ENOSF1: variants seen among roughly 807,000 people sequenced by gnomAD.
The protein encoded by ENOSF1 is mitochondrial enolase superfamily member 1.
ENOSF1 carries 73 observed loss-of-function variants against 68.2 expected under a neutral mutation model. The ratio of observed to expected loss-of-function variants is 1.07; its 90% confidence interval spans 0.89 to 1.30. The LOEUF is 1.30. Ranked by LOEUF, ENOSF1 falls within the 50% of genes most tolerant of loss-of-function variation. The pLI, the probability that ENOSF1 is intolerant of heterozygous loss-of-function variation, is 0.00. For synonymous variants in ENOSF1, 223 were observed against 210.4 expected (o/e 1.06, Z -0.52); for missense variants, 589 against 554.5 (o/e 1.06, Z -0.62).
chr18:703,271 C>T (rs1042512990), intron 2 of ENOSF1, among the ~76,000 whole-genome samples: 1 of 152,112 alleles, frequency 6.6e-6, no homozygotes, highest in Non-Finnish European at 1.5e-5. Flanking sequence ...CTGAGCTCAG[C>T]ACCCATCCCA....
rs971998782 is a variant in ENOSF1, at chr18:671,125, G to C, written c.*3180C>G. 1.1e-5 allele frequency: 7 copies of C among 614,916 alleles called. No individual in the cohort carries two copies. The African/African-American group carries it at 1.3e-4, about 11-fold the overall frequency. 38.1% of individuals were successfully genotyped at this position (614,916 alleles called of 1,614,324 possible). On this transcript the variant is annotated 3_prime_UTR_variant, in exon 16 of 16. Transcript: ENST00000647584. ...TGGATTTTCTCAAAAGCTATGCTGA[G>C]GTTGGGTATGGTGGCTCATGCCTGT...
Position 694,269 on chromosome 18 carries a change from C to G in ENOSF1, c.375G>C (p.Leu125Phe), listed in dbSNP as rs773643011. The G allele has an allele frequency of 3.1e-6, 5 of 1,614,108 alleles. No homozygotes were observed. The highest frequency in any genetic ancestry group is 2.7e-5 in the African/African-American group (2 of 74,936). Residue 125 changes from leucine (L) to phenylalanine (F), a missense_variant, in exon 4 of 16, where the codon TTG (leucine) becomes TTC (phenylalanine). Leu to Phe is a conservative substitution (Grantham distance 22). Transcript: ENST00000647584. ...TTACCTTTCCCTCCTGCTTGGCCCA[C>G]AAGTCCCACACCGCGTTTAGGACGG... ...TAAVLNAVWD[L>F]WAKQEGKPVW...
intron 2 of ENOSF1, 151 bp downstream of exon 2, chr18:706,318 GA>G: frequency 2.2e-6 from 1 of 445,150 alleles, no homozygotes; most frequent in Non-Finnish European, 3.8e-6. Context: ...AACAAACCAT[GA>G]AACTTTTTAC....
At position 691,117 on chromosome 18, in the gene ENOSF1, T is replaced by C. The variant is rs190180816; in HGVS notation, c.497-11A>G. 241 of 1,614,130 alleles carry C rather than the reference T, an allele frequency of 1.5e-4. 2 individuals carry two copies. In the East Asian group the frequency reaches 5.3e-3, roughly 35 times the overall value. On this transcript the variant is annotated splice_polypyrimidine_tract_variant and intron_variant, in intron 6 of 15. Coordinates refer to ENST00000647584, the MANE Select transcript of ENOSF1 (RefSeq NM_017512.7). Reference sequence around the variant, plus strand: ...CTTTCTGCAGTATTTCTGGAAGAAATAAAAAGCATCACTCACTCTTTTAGG... The same window carrying C: ...CTTTCTGCAGTATTTCTGGAAGAAACAAAAAGCATCACTCACTCTTTTAGG...
intron 1 of ENOSF1, 82 bp from the exon 2 acceptor site, chr18:706,660 C>A: frequency 9.8e-7 from 1 of 1,021,008 alleles, no homozygotes. Flanking sequence ...CACATGAGGA[C>A]AGACAATGCC....
intron 8 of ENOSF1, among the ~76,000 whole-genome samples, chr18:689,471 G>A (rs2076938957): frequency 6.6e-6 from 1 of 151,976 alleles, no homozygotes; most frequent in African/African-American, 2.4e-5. Flanking sequence ...TAGTAGAGAC[G>A]GGGTTTCACC....
Position 671,077 on chromosome 18 carries a change from G to A in ENOSF1, c.*3228C>T, listed in dbSNP as rs538593779. ...GTATACGCACTAACAGATCTATACA[G>A]GTTGTTTGTGATACAGCTTCTATGG... On this transcript the variant is annotated 3_prime_UTR_variant, in exon 16 of 16. Transcript: ENST00000647584. 1.6e-5 allele frequency: 10 copies of A among 638,632 alleles called. No individual in the cohort carries two copies. The African/African-American group carries it at 1.7e-4, about 11-fold the overall frequency. 39.6% of individuals were successfully genotyped at this position (638,632 alleles called of 1,614,324 possible). A position where few individuals can be genotyped will look rare whatever the true frequency, so the allele number is the denominator to read the frequency against.
intron 10 of ENOSF1, 26 bp from the exon 11 acceptor site, chr18:683,406 A>G (rs778927136): frequency 4.3e-6 from 7 of 1,613,302 alleles, no homozygotes; most frequent in Non-Finnish European, 5.9e-6. Context: ...CTTCACAGGG[A>G]GGTCAGCCCT....
At chr18:667,442 TGATGGTGATGGTGATGATGGA>T (rs1567990605), downstream of ENOSF1, among the ~76,000 whole-genome samples, 12 of 1,154 alleles carry the variant, frequency 0.01, 3 homozygotes, top group East Asian at 0.053. Flanking sequence ...ATGGTGATGG[TGATGGTGATGGTGATGATGGA>T]GATGGTGATG....
chr18:677,207 C>A, intron 14 of ENOSF1, 138 bp downstream of exon 14: 1 of 700,682 alleles, frequency 1.4e-6, no homozygotes, highest in South Asian at 2.0e-5. Flanking sequence ...AAAGCAAAAC[C>A]AACTCCGCCT....
At position 672,804 on chromosome 18, in the gene ENOSF1, G is replaced by A; in HGVS notation, c.*1501C>T. 2.0e-6 allele frequency: 3 copies of A among 1,510,814 alleles called. No individual in the cohort carries two copies. The highest frequency in any genetic ancestry group is 2.3e-5 in the East Asian group (1 of 43,652). 93.6% of individuals were successfully genotyped at this position (1,510,814 alleles called of 1,614,324 possible). Reference sequence around the variant, plus strand: ...TGTACTTGTTTCACGGACATGAGGAGCAATTACAACAGGTCGTACAATTAT... The same window carrying A: ...TGTACTTGTTTCACGGACATGAGGAACAATTACAACAGGTCGTACAATTAT... On this transcript the variant is annotated 3_prime_UTR_variant, in exon 16 of 16. Transcript: ENST00000647584.
rs1043645163 is a variant in ENOSF1, at chr18:670,397, C to T, written c.*3908G>A. 8 of 301,904 alleles carry T rather than the reference C, an allele frequency of 2.6e-5. No homozygotes were observed. The highest frequency in any genetic ancestry group is 4.9e-5 in the Non-Finnish European group (8 of 162,200). The allele number at this position is 301,904 out of a possible 1,614,324, so 18.7% of individuals were successfully genotyped here. ...GTTTCCTGTGGCAAACAGAATTATTCCTGCTGTATTTGTAATCTGGTGCCA... is the reference window on the plus strand; with the variant it reads ...GTTTCCTGTGGCAAACAGAATTATTTCTGCTGTATTTGTAATCTGGTGCCA... On this transcript the variant is annotated 3_prime_UTR_variant, in exon 16 of 16. Transcript: ENST00000647584.
chr18:698,702 T>A (rs1413252868), intron 2 of ENOSF1, among the ~76,000 whole-genome samples: 1 of 152,092 alleles, frequency 6.6e-6, no homozygotes, highest in Non-Finnish European at 1.5e-5. Context: ...CTCATTGCAA[T>A]CTCTGCGTCC....
intron 14 of ENOSF1, among the ~76,000 whole-genome samples, chr18:677,123 T>C (rs1326139421): frequency 1.3e-5 from 2 of 152,102 alleles, no homozygotes; most frequent in Non-Finnish European, 2.9e-5. Context: ...TCAATGTACT[T>C]AAAAAATAAA....
chr18:678,894 G>A (rs192221696), intron 11 of ENOSF1, among the ~76,000 whole-genome samples, 157 bp from the exon 12 acceptor site: 1 of 152,340 alleles, frequency 6.6e-6, no homozygotes, highest in African/African-American at 2.4e-5. Context: ...ACACATGCGT[G>A]CGGGAGGGCT....
chr18:671,223 C>T lies in ENOSF1; in HGVS notation c.*3082G>A. ...TGGAGTTCAATACCAGCCTGGGCAA[C>T]ATAACAAGATGCTGTTGCTACAAAA... On this transcript the variant is annotated 3_prime_UTR_variant, in exon 16 of 16. Transcript: ENST00000647584. The T allele has an allele frequency of 1.5e-6, 1 of 648,150 alleles. No individual in the cohort carries two copies. Among genetic ancestry groups the T allele is most frequent in the Non-Finnish European group, 2.7e-6 (1 of 368,258 alleles). 40.1% of individuals were successfully genotyped at this position (648,150 alleles called of 1,614,324 possible). A position where few individuals can be genotyped will look rare whatever the true frequency, so the allele number is the denominator to read the frequency against.
chr18:700,017 T>C lies in ENOSF1; in HGVS notation c.194-2662A>G, dbSNP rs575949171. On this transcript the variant is annotated intron_variant, in intron 2 of 15. Transcript: ENST00000647584. ...ATCACTTGAACCCAGGAGGTGGAGG[T>C]TGCAGTGAGCCAAGACCATGCCATT... Among the ~76,000 whole-genome samples the C allele has an allele frequency of 4.6e-5, 7 of 152,122 alleles. No homozygotes were observed. The East Asian group carries it at 1.4e-3, about 29-fold the overall frequency.
intron 4 of ENOSF1, 59 bp downstream of exon 4, chr18:694,189 G>A: frequency 6.6e-7 from 1 of 1,509,338 alleles, no homozygotes; most frequent in Non-Finnish European, 9.2e-7. Flanking sequence ...TCTGTGCGTA[G>A]GGAAAGTCAG....
chr18:674,498 C>T (rs533485666), intron 15 of ENOSF1, 92 bp from the exon 16 acceptor site: 23 of 799,100 alleles, frequency 2.9e-5, no homozygotes, highest in South Asian at 8.5e-5. Context: ...AATGCTTTTA[C>T]GTCTAAGCCA....
Sources: allele counts gnomAD v4.1 joint callset (sites outside exome capture counted in the v4.1 genomes callset), GRCh38; gene constraint gnomAD v4.1.1; transcripts MANE v1.5; gene names NCBI Gene and HGNC (gene_info 2026-07-23, HGNC 2026-07-21).